The following ADCY8 variants were observed in gnomAD, a reference collection of about 807,000 sequenced individuals.
ADCY8 encodes adenylate cyclase 8.
ADCY8 carries 51 observed loss-of-function variants against 119.7 expected under a neutral mutation model. That is an observed-to-expected ratio of 0.43 (90% CI 0.34 to 0.54). ADCY8 has a LOEUF of 0.54. Ranked by LOEUF, ADCY8 falls within the 20% of genes least tolerant of loss-of-function variation. The pLI, the probability that ADCY8 is intolerant of heterozygous loss-of-function variation, is 0.03. For missense variants in ADCY8, 1,383 were observed against 1,598.8 expected (o/e 0.87, Z 2.30); for synonymous variants, 665 against 651.0 (o/e 1.02, Z -0.33).
At chr8:130,939,717 T>C (rs1820900875) in intron 4 of ADCY8, among the ~76,000 whole-genome samples, 2 of 152,226 alleles carry the variant, frequency 1.3e-5, no homozygotes, top group Admixed American at 1.3e-4. Flanking sequence ...ATAATCTATC[T>C]TGTCCTTAAT....
intron 10 of ADCY8, among the ~76,000 whole-genome samples, chr8:130,849,276 A>G (rs942598468): frequency 6.6e-6 from 1 of 152,238 alleles, no homozygotes; most frequent in African/African-American, 2.4e-5. Context: ...TGCATGGCAC[A>G]TAGCAGGTAG....
chr8:130,977,155 G>A (rs1157553129), intron 2 of ADCY8, among the ~76,000 whole-genome samples: 1 of 152,174 alleles, frequency 6.6e-6, no homozygotes, highest in Non-Finnish European at 1.5e-5. Context: ...CGGGTCGGGT[G>A]TGAGCGCATG....
chr8:130,969,283 G>T (rs1233938353), intron 2 of ADCY8, among the ~76,000 whole-genome samples: 1 of 152,144 alleles, frequency 6.6e-6, no homozygotes, highest in East Asian at 1.9e-4. Flanking sequence ...ATGGCATTTT[G>T]ATTTGAACTG....
chr8:131,020,208 T>C (rs1379896493), intron 1 of ADCY8, among the ~76,000 whole-genome samples: 1 of 152,172 alleles, frequency 6.6e-6, no homozygotes, highest in Non-Finnish European at 1.5e-5. Context: ...TGGCAGTTAC[T>C]GAAGATTCTA....
At chr8:130,786,953 G>A (rs1280310526) in intron 15 of ADCY8, among the ~76,000 whole-genome samples, 4 of 152,056 alleles carry the variant, frequency 2.6e-5, no homozygotes, top group African/African-American at 4.8e-5. Context: ...CAGAAATAGG[G>A]GCCAGCATAG....
At chr8:130,967,941 A>G (rs1821809999) in intron 2 of ADCY8, among the ~76,000 whole-genome samples, 1 of 152,010 alleles carries the variant, frequency 6.6e-6, no homozygotes, top group Admixed American at 6.6e-5. Context: ...AAGTTACTTA[A>G]CCTCTCCAAA....
rs190091307 is a variant in ADCY8, at chr8:130,944,372, T to A, written c.1242-910A>T. Among the ~76,000 whole-genome samples, 822 of 152,334 alleles carry A rather than the reference T, an allele frequency of 5.4e-3. 4 individuals are homozygous for A. Among genetic ancestry groups the A allele is most frequent in the Admixed American group, 0.012 (188 of 15,304 alleles). ...GGATACCATATTTGATCATTTCTCA[T>A]TTTTCATCCTCTCTGAAAGTGAGAT... On this transcript the variant is annotated intron_variant, in intron 3 of 17. Transcript: ENST00000286355.
At chr8:130,818,952 C>A (rs904714544) in intron 13 of ADCY8, among the ~76,000 whole-genome samples, 1 of 152,132 alleles carries the variant, frequency 6.6e-6, no homozygotes, top group Non-Finnish European at 1.5e-5. Flanking sequence ...ACAATACCTG[C>A]CTTGTTTTTG....
chr8:130,817,563 A>T (rs972224368), intron 13 of ADCY8, among the ~76,000 whole-genome samples: 66 of 152,360 alleles, frequency 4.3e-4, no homozygotes, highest in African/African-American at 1.5e-3. Flanking sequence ...TGTCAAAATG[A>T]TGCAAAAGCC....
chr8:131,012,534 G>A (rs1823342137), intron 1 of ADCY8, among the ~76,000 whole-genome samples: 1 of 152,206 alleles, frequency 6.6e-6, no homozygotes, highest in Non-Finnish European at 1.5e-5. Context: ...GGTACAAGGG[G>A]TGCACCGTGG....
At chr8:130,847,540 AACAAC>A in intron 10 of ADCY8, 27 bp from the exon 11 acceptor site, 6 of 1,480,940 alleles carry the variant, frequency 4.1e-6, no homozygotes, top group South Asian at 1.2e-5. Flanking sequence ...AAAAAAAAAG[AACAAC>A]AAAAACAAAA....
At chr8:130,793,933 G>GT (rs1235801091) in intron 15 of ADCY8, among the ~76,000 whole-genome samples, 5 of 152,174 alleles carry the variant, frequency 3.3e-5, no homozygotes, top group Non-Finnish European at 5.9e-5. Flanking sequence ...TTGGAAATAA[G>GT]TTTTTTGCAG....
At chr8:130,988,336 C>G (rs1437392481) in intron 2 of ADCY8, among the ~76,000 whole-genome samples, 1 of 152,170 alleles carries the variant, frequency 6.6e-6, no homozygotes, top group African/African-American at 2.4e-5. Flanking sequence ...CCACAAACTT[C>G]TTATCATAGT....
intron 14 of ADCY8, among the ~76,000 whole-genome samples, chr8:130,803,142 G>A (rs1387434559): frequency 1.3e-5 from 2 of 152,214 alleles, no homozygotes; most frequent in African/African-American, 4.8e-5. Context: ...CACAAACCCT[G>A]TTCTATTTCA....
At chr8:130,809,272 C>T (rs1816085085) in intron 14 of ADCY8, among the ~76,000 whole-genome samples, 1 of 152,194 alleles carries the variant, frequency 6.6e-6, no homozygotes, top group Admixed American at 6.5e-5. Context: ...TCACTACTCA[C>T]TAGCTTTGTG....
intron 13 of ADCY8, among the ~76,000 whole-genome samples, chr8:130,820,370 TC>T (rs1451856227): frequency 1.3e-5 from 2 of 152,172 alleles, no homozygotes; most frequent in African/African-American, 4.8e-5. Flanking sequence ...TGCTGTGCTT[TC>T]CTCCTTTTCT....
chr8:130,845,360 C>A (rs148393449), intron 11 of ADCY8, among the ~76,000 whole-genome samples: 5 of 152,214 alleles, frequency 3.3e-5, no homozygotes, highest in African/African-American at 1.2e-4. Context: ...TAGGCAGGCA[C>A]CATGAGAACA....
At chr8:130,931,577 G>C (rs1030307859) in intron 5 of ADCY8, among the ~76,000 whole-genome samples, 4 of 152,002 alleles carry the variant, frequency 2.6e-5, no homozygotes, top group Admixed American at 2.6e-4. Context: ...CCCATGACTT[G>C]AATATTTGCT....
chr8:130,785,429 A>G lies in ADCY8; in HGVS notation c.3107T>C (p.Ile1036Thr), dbSNP rs79950086. ...RFQDIEKIKT[I>T]GSTYMAVSGL... ...TGACACGGCCATGTAGGTGCTGCCA[A>G]TGGTCTTAATCTTTTCAATGTCTTG... Residue 1036 changes from isoleucine (I) to threonine (T), a missense_variant, in exon 16 of 18, where the codon ATT becomes ACT. This residue lies in a region of ADCY8 where 928 missense variants were observed against 1,163.5 expected (regional missense o/e 0.80). Transcript: ENST00000286355. 108 of 1,610,518 alleles carry G rather than the reference A, an allele frequency of 6.7e-5. No individual in the cohort carries two copies. The African/African-American group carries it at 1.1e-3, about 16-fold the overall frequency.
Sources: allele counts gnomAD v4.1 joint callset (sites outside exome capture counted in the v4.1 genomes callset), GRCh38; gene constraint gnomAD v4.1.1; regional missense constraint gnomAD v4.1.1; transcripts MANE v1.5; gene names NCBI Gene and HGNC (gene_info 2026-07-23, HGNC 2026-07-21).